The following CTNNA3 variants were observed in gnomAD, a reference collection of about 807,000 sequenced individuals.
CTNNA3 encodes the protein catenin alpha-3.
In CTNNA3, 76 loss-of-function variants were observed where a neutral mutation model predicts 95.7. That is an observed-to-expected ratio of 0.79 (90% CI 0.66 to 0.96). The LOEUF (loss-of-function observed/expected upper bound fraction) is 0.96. Among genes scored for constraint, CTNNA3 ranks in the 40% least tolerant of loss-of-function variants. The pLI, the probability that CTNNA3 is intolerant of heterozygous loss-of-function variation, is 0.00. For synonymous variants in CTNNA3, 431 were observed against 374.4 expected, an observed-to-expected ratio of 1.15 and a Z score of -1.74; for missense variants, 1,191 against 1,089.8, an observed-to-expected ratio of 1.09 and a Z score of -1.31.
rs1405938005 is a variant in CTNNA3 at position 67,564,691 on chromosome 10, A to G, written c.293-25022T>C. ...TGTGTGTGTGTGTATATATATATAT[A>G]TATATATATATATATATATATATAT... On this transcript the variant is annotated intron_variant, in intron 3 of 17. Transcript: ENST00000433211. Among the ~76,000 whole-genome samples, 899 of 73,778 alleles carry G rather than the reference A, an allele frequency of 0.012. 55 individuals carry two copies. The East Asian group carries it at 0.35, about 29-fold the overall frequency. The allele number at this position is 73,778 out of a possible 152,430, so 48.4% of individuals were successfully genotyped here.
chr10:67,489,593 G>A (rs1048528986), intron 5 of CTNNA3, among the ~76,000 whole-genome samples: 6 of 152,102 alleles, frequency 3.9e-5, no homozygotes, highest in African/African-American at 1.4e-4. Flanking sequence ...TCAATATCAT[G>A]GAAATGAAGT....
intron 10 of CTNNA3, among the ~76,000 whole-genome samples, chr10:66,537,962 C>T (rs1841718388): frequency 6.6e-6 from 1 of 152,106 alleles, no homozygotes; most frequent in African/African-American, 2.4e-5. Context: ...GAGCATATCA[C>T]AAAGTTATCT....
In CTNNA3 at chr10:65,998,472, G is replaced by T. The variant is rs534385544; in HGVS notation, c.2160-9675C>A. On this transcript the variant is annotated intron_variant, in intron 15 of 17. Coordinates refer to ENST00000433211, the MANE Select transcript of CTNNA3 (RefSeq NM_013266.4). ...TCCATATTTCCTAACTCTCTACTGA[G>T]TCTTACCACACTGAATTTCTCGGTT... Among the ~76,000 whole-genome samples the T allele has an allele frequency of 3.9e-5, 6 of 152,220 alleles. No homozygotes were observed. The East Asian group carries it at 1.2e-3, about 29-fold the overall frequency.
chr10:66,806,477 C>T (rs1393858008), intron 7 of CTNNA3, among the ~76,000 whole-genome samples: 1 of 151,962 alleles, frequency 6.6e-6, no homozygotes. Context: ...AAAGACGAGG[C>T]ATATTGTAGA....
At chr10:67,120,890 T>C (rs1245213934) in intron 7 of CTNNA3, among the ~76,000 whole-genome samples, 1 of 152,050 alleles carries the variant, frequency 6.6e-6, no homozygotes, top group African/African-American at 2.4e-5. Context: ...GTTGCAATAT[T>C]GTACCATTAA....
chr10:67,205,877 T>C (rs1366119198), intron 6 of CTNNA3, among the ~76,000 whole-genome samples: 1 of 152,200 alleles, frequency 6.6e-6, no homozygotes, highest in African/African-American at 2.4e-5. Flanking sequence ...CTTTGAAACG[T>C]ATGTAAATCT....
chr10:67,558,916 G>A (rs976259501), intron 3 of CTNNA3, among the ~76,000 whole-genome samples: 2 of 152,202 alleles, frequency 1.3e-5, no homozygotes, highest in African/African-American at 2.4e-5. Flanking sequence ...AAACTGCAAG[G>A]TGGCAGCGAG....
chr10:67,086,311 A>G lies in CTNNA3; in HGVS notation c.1047+94006T>C, dbSNP rs142472524. On this transcript the variant is annotated intron_variant, in intron 7 of 17. Transcript: ENST00000433211. Reference sequence around the variant, plus strand: ...GTGCAAGATTTTTATGCAACCTGGCAGATGCATACAGAATATCACTTCATT... The same window carrying G: ...GTGCAAGATTTTTATGCAACCTGGCGGATGCATACAGAATATCACTTCATT... 1.8e-3 allele frequency among the ~76,000 whole-genome samples: 276 copies of G among 152,202 alleles called. 3 individuals carry two copies. Among genetic ancestry groups the G allele is most frequent in the African/African-American group, 5.8e-3 (240 of 41,572 alleles).
chr10:66,375,145 T>C (rs984596267), intron 12 of CTNNA3, among the ~76,000 whole-genome samples: 2 of 151,446 alleles, frequency 1.3e-5, no homozygotes, highest in Admixed American at 1.3e-4. Context: ...AAGAGAGTGA[T>C]GGCAGTTAAT....
chr10:67,303,402 A>G (rs1840407902), intron 5 of CTNNA3, among the ~76,000 whole-genome samples: 1 of 152,242 alleles, frequency 6.6e-6, no homozygotes, highest in Non-Finnish European at 1.5e-5. Context: ...CTAGAAGGCG[A>G]GGGAACCAGA....
intron 17 of CTNNA3, among the ~76,000 whole-genome samples, chr10:65,954,448 T>G (rs2077688727): frequency 6.6e-6 from 1 of 152,194 alleles, no homozygotes; most frequent in Admixed American, 6.6e-5. Flanking sequence ...GTTTTAGTCA[T>G]GAAGTCCTTG....
chr10:66,100,725 G>A (rs947285104), intron 14 of CTNNA3, among the ~76,000 whole-genome samples: 2 of 152,096 alleles, frequency 1.3e-5, no homozygotes, highest in Non-Finnish European at 2.9e-5. Context: ...TCATCTAGCT[G>A]GCCTGGCCTA....
At chr10:66,819,550 G>GA (rs948639204) in intron 7 of CTNNA3, among the ~76,000 whole-genome samples, 33 of 151,544 alleles carry the variant, frequency 2.2e-4, no homozygotes, top group African/African-American at 3.2e-4. Context: ...TCAAGAAATT[G>GA]AAAAAAACAC....
At chr10:66,062,448 C>T (rs146663482) in intron 15 of CTNNA3, among the ~76,000 whole-genome samples, 18 of 152,008 alleles carry the variant, frequency 1.2e-4, no homozygotes, top group East Asian at 1.9e-4. Flanking sequence ...TACAAACAAG[C>T]GAAAAACCTG....
chr10:66,789,346 T>C (rs1474789019), intron 7 of CTNNA3, among the ~76,000 whole-genome samples: 1 of 151,974 alleles, frequency 6.6e-6, no homozygotes, highest in East Asian at 1.9e-4. Context: ...GGCTAATTTT[T>C]GTATTTTTGT....
Position 67,434,754 on chromosome 10 carries a change from T to C in CTNNA3, c.579+87088A>G, listed in dbSNP as rs143256259. Among the ~76,000 whole-genome samples, 3 of 152,094 alleles carry C rather than the reference T, an allele frequency of 2.0e-5. No individual in the cohort carries two copies. The East Asian group carries it at 5.8e-4, about 29-fold the overall frequency. ...TAAGGAATCCTAAAAAGCACCTGAT[T>C]CGCTTCTTCATTTTTCTGATAAGGA... On this transcript the variant is annotated intron_variant, in intron 5 of 17. Coordinates refer to ENST00000433211, the MANE Select transcript of CTNNA3 (RefSeq NM_013266.4).
intron 14 of CTNNA3, among the ~76,000 whole-genome samples, chr10:66,075,252 TA>T (rs2080527959): frequency 1.3e-5 from 2 of 151,818 alleles, no homozygotes; most frequent in Admixed American, 6.6e-5. Flanking sequence ...AATTACCCCT[TA>T]AAAGAGACAA....
At chr10:66,634,390 A>G (rs1416635591) in intron 9 of CTNNA3, among the ~76,000 whole-genome samples, 12 of 152,186 alleles carry the variant, frequency 7.9e-5, no homozygotes, top group Non-Finnish European at 1.2e-4. Flanking sequence ...ATGATGATTC[A>G]CAAAAATGAT....
intron 5 of CTNNA3, among the ~76,000 whole-genome samples, chr10:67,343,272 T>A: frequency 6.6e-6 from 1 of 152,262 alleles, no homozygotes; most frequent in Admixed American, 6.5e-5. Context: ...TAGGATAGTT[T>A]TTTTCTATTT....
Sources: gnomAD v4.1 joint callset for allele counts (sites outside exome capture counted in the v4.1 genomes callset) on GRCh38, gnomAD v4.1.1 for gene constraint, MANE v1.5 for transcripts, NCBI Gene and HGNC (gene_info 2026-07-23, HGNC 2026-07-21) for gene names.